The following FRMD4A variants were observed in gnomAD, a reference collection of about 807,000 sequenced individuals.
FRMD4A encodes FERM domain containing 4A.
In FRMD4A, 29 loss-of-function variants were observed where a neutral mutation model predicts 129.1. The observed-to-expected ratio is 0.22, with a 90% confidence interval of 0.17 to 0.31. The LOEUF (loss-of-function observed/expected upper bound fraction) is 0.31, where lower values mean the gene tolerates loss of function less well. FRMD4A is among the 10% of genes least tolerant of loss of function. FRMD4A has a pLI of 1.00. For missense variants in FRMD4A, 1,272 were observed against 1,375.8 expected (o/e 0.92, Z 1.19); for synonymous variants, 634 against 571.6 (o/e 1.11, Z -1.56).
intron 2 of FRMD4A, among the ~76,000 whole-genome samples, chr10:13,999,479 T>C (rs1445190968): frequency 6.6e-6 from 1 of 152,232 alleles, no homozygotes; most frequent in Non-Finnish European, 1.5e-5. Flanking sequence ...ATCAATATAC[T>C]TCTAACCCTT....
At chr10:14,084,806 G>T (rs1836164260) in intron 2 of FRMD4A, among the ~76,000 whole-genome samples, 1 of 152,154 alleles carries the variant, frequency 6.6e-6, no homozygotes, top group Non-Finnish European at 1.5e-5. Context: ...CTGCTCAACT[G>T]CTTACCCTGC....
At chr10:14,195,406 T>C (rs919438718) in intron 2 of FRMD4A, among the ~76,000 whole-genome samples, 2 of 150,238 alleles carry the variant, frequency 1.3e-5, no homozygotes, top group African/African-American at 2.5e-5. Context: ...AAAAGTAAAT[T>C]GTCTCCCCTG....
intron 2 of FRMD4A, among the ~76,000 whole-genome samples, chr10:13,924,444 C>T (rs1471345563): frequency 1.3e-5 from 2 of 151,216 alleles, no homozygotes; most frequent in East Asian, 2.0e-4. Flanking sequence ...AAAAGCCATG[C>T]TCCCACCTCT....
rs557125140 is a variant in FRMD4A at position 14,098,712 on chromosome 10, T to C, written c.45+231346A>G. Among the ~76,000 whole-genome samples, 12 of 152,266 alleles carry C rather than the reference T, an allele frequency of 7.9e-5. No homozygotes were observed. The South Asian group carries it at 2.1e-3, about 26-fold the overall frequency. On this transcript the variant is annotated intron_variant, in intron 2 of 24. Coordinates refer to ENST00000357447, the MANE Select transcript of FRMD4A (RefSeq NM_018027.5). ...TGTGAGCCACCGCGCCCAGCCTGAA[T>C]ATGGTTCTCAAGAACCCCCCAATCT...
chr10:13,746,478 G>T (rs1278273426), intron 9 of FRMD4A, among the ~76,000 whole-genome samples: 1 of 152,032 alleles, frequency 6.6e-6, no homozygotes, highest in Non-Finnish European at 1.5e-5. Context: ...CTCCCAAAGT[G>T]CTGGGATTAT....
chr10:14,125,063 C>T (rs1209011091), intron 2 of FRMD4A, among the ~76,000 whole-genome samples: 4 of 152,156 alleles, frequency 2.6e-5, no homozygotes, highest in South Asian at 4.2e-4. Flanking sequence ...ATGAGGTCGA[C>T]GAAAGTAAAG....
intron 2 of FRMD4A, among the ~76,000 whole-genome samples, chr10:14,178,711 G>C (rs1841814071): frequency 6.6e-6 from 1 of 151,984 alleles, no homozygotes; most frequent in Non-Finnish European, 1.5e-5. Flanking sequence ...TTGCATTTTT[G>C]CCTCACAGAT....
chr10:13,734,635 G>T (rs2090516250), intron 12 of FRMD4A, among the ~76,000 whole-genome samples: 1 of 135,980 alleles, frequency 7.4e-6, no homozygotes, highest in African/African-American at 2.7e-5. Context: ...TGCTTCCTCT[G>T]TGGGGACTTC....
intron 2 of FRMD4A, among the ~76,000 whole-genome samples, chr10:14,001,986 G>A (rs962477272): frequency 7.2e-5 from 11 of 152,154 alleles, no homozygotes; most frequent in East Asian, 3.8e-4. Context: ...GTTGTATTCC[G>A]AATTCTTAAG....
In FRMD4A at chr10:14,011,923, G is replaced by A. The variant is rs571751737; in HGVS notation, c.46-153011C>T. 1.5e-3 allele frequency among the ~76,000 whole-genome samples: 224 copies of A among 151,938 alleles called. 1 individual carries two copies. The highest frequency in any genetic ancestry group is 5.2e-3 in the African/African-American group (217 of 41,452). ...ACTTGGGAGGCTGAGGCAGGAGGAT[G>A]GCTTGAACCTGGGAGGTGGAGGTTG... On this transcript the variant is annotated intron_variant, in intron 2 of 24. Coordinates refer to ENST00000357447, the MANE Select transcript of FRMD4A (RefSeq NM_018027.5).
At chr10:14,023,463 C>G (rs1407227928) in intron 2 of FRMD4A, among the ~76,000 whole-genome samples, 2 of 152,356 alleles carry the variant, frequency 1.3e-5, no homozygotes, top group East Asian at 3.9e-4. Flanking sequence ...AGCTGCGAGA[C>G]GCAGACTGGC....
At chr10:13,778,320 G>A (rs999562576) in intron 6 of FRMD4A, among the ~76,000 whole-genome samples, 1 of 152,148 alleles carries the variant, frequency 6.6e-6, no homozygotes, top group East Asian at 1.9e-4. Flanking sequence ...TGGGGTCTTA[G>A]AGGAAAGAAT....
chr10:13,828,824 A>T (rs950423637), intron 3 of FRMD4A, among the ~76,000 whole-genome samples: 2 of 152,262 alleles, frequency 1.3e-5, no homozygotes, highest in African/African-American at 2.4e-5. Context: ...GAGCCACTGC[A>T]CCAGGCCACC....
At chr10:13,672,816 T>TC (rs35651682) in intron 16 of FRMD4A, among the ~76,000 whole-genome samples, 1 of 151,824 alleles carries the variant, frequency 6.6e-6, no homozygotes, top group Admixed American at 6.6e-5. Flanking sequence ...TAGCAAGACC[T>TC]CCCCCCAGCC....
chr10:14,099,108 G>A (rs946370866), intron 2 of FRMD4A, among the ~76,000 whole-genome samples: 7 of 152,256 alleles, frequency 4.6e-5, no homozygotes, highest in Admixed American at 2.0e-4. Flanking sequence ...TCTTAGATCC[G>A]GTTTTTGAGG....
chr10:13,772,895 A>T lies in FRMD4A; in HGVS notation c.384+10027T>A, dbSNP rs541958786. Among the ~76,000 whole-genome samples, 8 of 152,334 alleles carry T rather than the reference A, an allele frequency of 5.3e-5. No homozygotes were observed. The East Asian group carries it at 9.6e-4, about 18-fold the overall frequency. The stretch of plus-strand genomic sequence containing the variant: ...AAGACCTAGTATTTGATAGCACAAC[A>T]GGGTAACTGTGGTCAATAATGATTG... On this transcript the variant is annotated intron_variant, in intron 6 of 24. Transcript: ENST00000357447.
chr10:13,922,324 T>C (rs2131261643), intron 2 of FRMD4A, among the ~76,000 whole-genome samples: 1 of 151,760 alleles, frequency 6.6e-6, no homozygotes, highest in East Asian at 1.9e-4. Context: ...TAGAAGGTAC[T>C]ACGTAAATAA....
chr10:13,648,262 C>T (rs949777478), intron 24 of FRMD4A: 3 of 152,188 alleles, frequency 2.0e-5, no homozygotes, highest in African/African-American at 4.8e-5. Context: ...TGACACTGGC[C>T]ATGGGTATTA....
intron 3 of FRMD4A, among the ~76,000 whole-genome samples, chr10:13,831,513 C>T (rs1588942629): frequency 6.6e-6 from 1 of 152,166 alleles, no homozygotes; most frequent in East Asian, 1.9e-4. Context: ...AAGTCACAGA[C>T]TTGGACTGGC....
Sources: gnomAD v4.1 joint callset for allele counts (sites outside exome capture counted in the v4.1 genomes callset) on GRCh38, gnomAD v4.1.1 for gene constraint, MANE v1.5 for transcripts, NCBI Gene and HGNC (gene_info 2026-07-23, HGNC 2026-07-21) for gene names.